The following KCNIP1 variants were observed in gnomAD, a reference collection of about 807,000 sequenced individuals.
KCNIP1 encodes potassium voltage-gated channel interacting protein 1.
In KCNIP1, 18 loss-of-function variants were observed where a neutral mutation model predicts 33.0. That is an observed-to-expected ratio of 0.55 (90% CI 0.38 to 0.81). The LOEUF (loss-of-function observed/expected upper bound fraction) is 0.81, where lower values mean the gene tolerates loss of function less well. Ranked by LOEUF, KCNIP1 falls within the 30% of genes least tolerant of loss-of-function variation. The pLI is 0.00. For missense variants in KCNIP1, 238 were observed against 271.6 expected (o/e 0.88, Z 0.87); for synonymous variants, 93 against 98.3 (o/e 0.95, Z 0.32).
Position 170,555,074 on chromosome 5 carries a change from G to A in KCNIP1, c.61+50441G>A, listed in dbSNP as rs59903219. On this transcript the variant is annotated intron_variant, in intron 1 of 7. Transcript: ENST00000328939. ...TTGCTGGCAGGCGGAGCAGAATCAC[G>A]TTCGTTCCCAGCCCCATCTTCTCAG... 7.6e-3 allele frequency among the ~76,000 whole-genome samples: 1,164 copies of A among 152,212 alleles called. 17 individuals are homozygous for A. The highest frequency in any genetic ancestry group is 0.025 in the African/African-American group (1,053 of 41,534).
At chr5:170,587,724 T>C (rs1758053608) in intron 1 of KCNIP1, among the ~76,000 whole-genome samples, 1 of 152,240 alleles carries the variant, frequency 6.6e-6, no homozygotes. Flanking sequence ...ACCCTTGTGA[T>C]TACATCAGGT....
chr5:170,547,770 G>A (rs1046730760), intron 1 of KCNIP1, among the ~76,000 whole-genome samples: 1 of 152,058 alleles, frequency 6.6e-6, no homozygotes, highest in South Asian at 2.1e-4. Context: ...CCTGTCTATT[G>A]CTGATGGACA....
At chr5:170,444,226 C>T (rs1008054795) in intron 1 of KCNIP1, among the ~76,000 whole-genome samples, 1 of 152,214 alleles carries the variant, frequency 6.6e-6, no homozygotes, top group Non-Finnish European at 1.5e-5. Context: ...GGCAGAGCTG[C>T]GTTCCTTCTG....
intron 1 of KCNIP1, among the ~76,000 whole-genome samples, chr5:170,679,529 C>A (rs1270157610): frequency 6.6e-6 from 1 of 152,074 alleles, no homozygotes; most frequent in African/African-American, 2.4e-5. Context: ...ATTTCAGCAA[C>A]AGTCACCCTC....
intron 1 of KCNIP1, among the ~76,000 whole-genome samples, chr5:170,682,358 G>A (rs772361809): frequency 4.6e-5 from 7 of 152,182 alleles, no homozygotes; most frequent in Middle Eastern, 3.4e-3. Context: ...GGGTTGAGAC[G>A]GGCAGCCAGA....
intron 1 of KCNIP1, among the ~76,000 whole-genome samples, chr5:170,678,237 T>A (rs1472288998): frequency 6.6e-6 from 1 of 152,222 alleles, no homozygotes; most frequent in Non-Finnish European, 1.5e-5. Context: ...GCTTGGGACA[T>A]ATGAGGACAG....
Position 170,536,655 on chromosome 5 carries a change from A to G in KCNIP1, c.61+32022A>G, listed in dbSNP as rs766532770. On this transcript the variant is annotated intron_variant, in intron 1 of 7. Transcript: ENST00000328939. ...CAGTCCTCCCACTCTGCCCCCACACACCTGCAGAGACATTAAGGAAAGCGG... is the reference window on the plus strand; with the variant it reads ...CAGTCCTCCCACTCTGCCCCCACACGCCTGCAGAGACATTAAGGAAAGCGG... 5.9e-4 allele frequency among the ~76,000 whole-genome samples: 90 copies of G among 152,106 alleles called. 1 individual carries two copies. Among genetic ancestry groups the G allele is most frequent in the Non-Finnish European group, 2.2e-4 (15 of 68,010 alleles).
At chr5:170,708,414 C>T (rs1029526234) in intron 1 of KCNIP1, among the ~76,000 whole-genome samples, 1 of 152,234 alleles carries the variant, frequency 6.6e-6, no homozygotes, top group Non-Finnish European at 1.5e-5. Context: ...GGAAGCACAA[C>T]ATTCTGTGTT....
rs767816503 is a variant in KCNIP1, at chr5:170,720,385, A to G, written c.251A>G (p.His84Arg). The change falls in exon 3 of 8, where the codon CAT becomes CGT. Residue 84 changes from histidine (H) to arginine (R), a missense_variant. His to Arg is a conservative substitution (Grantham distance 29). Coordinates refer to ENST00000328939, the MANE Select transcript of KCNIP1 (RefSeq NM_014592.4). ...CAGATCTATGCTCAGTTTTTCCCTCATGGAGGTGAGTCTGACCTTGAAATC... is the reference window on the plus strand; with the variant it reads ...CAGATCTATGCTCAGTTTTTCCCTCGTGGAGGTGAGTCTGACCTTGAAATC... ...FKQIYAQFFP[H>R]GDASTYAHYL... The G allele has an allele frequency of 5.6e-6, 9 of 1,612,794 alleles. No homozygotes were observed. The highest frequency in any genetic ancestry group is 1.1e-5 in the South Asian group (1 of 91,070).
intron 1 of KCNIP1, among the ~76,000 whole-genome samples, chr5:170,624,679 T>TGGACGGGAGGAGAGGAGAGG (rs1759744456): frequency 7.2e-6 from 1 of 138,324 alleles, no homozygotes; most frequent in African/African-American, 2.6e-5. Context: ...AGTTCTTGTG[T>TGGACGGGAGGAGAGGAGAGG]GGAGGGGAGG....
intron 1 of KCNIP1, among the ~76,000 whole-genome samples, chr5:170,698,430 A>G (rs1289791653): frequency 6.6e-6 from 1 of 152,168 alleles, no homozygotes; most frequent in African/African-American, 2.4e-5. Context: ...TCTGCTGTTT[A>G]TTAACTGTGG....
intron 2 of KCNIP1, among the ~76,000 whole-genome samples, 192 bp from the exon 3 acceptor site, chr5:170,720,129 C>T (rs1434223393): frequency 6.6e-6 from 1 of 152,138 alleles, no homozygotes; most frequent in Non-Finnish European, 1.5e-5. Context: ...CTCACAGTGC[C>T]CATTCTCTGA....
At chr5:170,536,580 C>T (rs1434166394) in intron 1 of KCNIP1, among the ~76,000 whole-genome samples, 1 of 152,122 alleles carries the variant, frequency 6.6e-6, no homozygotes, top group Non-Finnish European at 1.5e-5. Flanking sequence ...TTCCTGTTAC[C>T]AGCCCAGGTC....
At chr5:170,569,157 G>A (rs908880177) in intron 1 of KCNIP1, among the ~76,000 whole-genome samples, 8 of 152,190 alleles carry the variant, frequency 5.3e-5, no homozygotes, top group Non-Finnish European at 8.8e-5. Context: ...TCTCAGAAAG[G>A]TAGACAGACC....
At chr5:170,363,950 G>C (rs1046874727) in intron 1 of KCNIP1, among the ~76,000 whole-genome samples, 1 of 151,148 alleles carries the variant, frequency 6.6e-6, no homozygotes, top group South Asian at 2.1e-4. Context: ...CCTCATATAA[G>C]TGAGTCATGA....
At chr5:170,458,139 A>T (rs559953928) in intron 1 of KCNIP1, among the ~76,000 whole-genome samples, 39 of 152,306 alleles carry the variant, frequency 2.6e-4, no homozygotes, top group African/African-American at 8.9e-4. Context: ...CCCAATCCAA[A>T]AAAGACAAAG....
chr5:170,433,302 TCA>T (rs1229454428), intron 1 of KCNIP1, among the ~76,000 whole-genome samples: 1 of 152,202 alleles, frequency 6.6e-6, no homozygotes, highest in Non-Finnish European at 1.5e-5. Context: ...TTCTCCTGCC[TCA>T]GTCTCCTGAG....
intron 1 of KCNIP1, among the ~76,000 whole-genome samples, chr5:170,529,519 T>C (rs575250468): frequency 6.6e-6 from 1 of 152,316 alleles, no homozygotes; most frequent in African/African-American, 2.4e-5. Context: ...AAACAAAATA[T>C]GTTACTGCCT....
chr5:170,701,462 A>G lies in KCNIP1; in HGVS notation c.62-17296A>G, dbSNP rs1763098198. ...CCAGGCTTAGCGGTTGCCACCCACC[A>G]CTCGTCAGACTAAACAGCCTCAGAG... is the stretch of plus-strand genomic sequence containing the variant. On this transcript the variant is annotated intron_variant, in intron 1 of 7. Coordinates refer to ENST00000328939, the MANE Select transcript of KCNIP1 (RefSeq NM_014592.4). Among the ~76,000 whole-genome samples, 5 of 152,170 alleles carry G rather than the reference A, an allele frequency of 3.3e-5. No individual in the cohort carries two copies. In the South Asian group the frequency reaches 8.3e-4, roughly 25 times the overall value.
Sources: gnomAD v4.1 joint callset for allele counts (sites outside exome capture counted in the v4.1 genomes callset) on GRCh38, gnomAD v4.1.1 for gene constraint, MANE v1.5 for transcripts, NCBI Gene and HGNC (gene_info 2026-07-23, HGNC 2026-07-21) for gene names.